Variants in LRP11 observed in about 807,000 individuals in gnomAD.
LRP11 encodes the protein LDL receptor related protein 11.
A neutral mutation model predicts 43.1 loss-of-function variants in LRP11; 25 were observed. The ratio of observed to expected loss-of-function variants is 0.58; its 90% CI spans 0.42 to 0.81. LRP11 has a LOEUF of 0.81. Among genes scored for constraint, LRP11 ranks in the 30% least tolerant of loss-of-function variants. LRP11 has a pLI of 0.00. For synonymous variants in LRP11, 316 were observed against 299.4 expected (o/e 1.06, Z -0.57); for missense variants, 623 against 665.1 (o/e 0.94, Z 0.70).
At chr6:149,862,761 G>C (rs1776939029) in intron 1 of LRP11, among the ~76,000 whole-genome samples, 1 of 151,794 alleles carries the variant, frequency 6.6e-6, no homozygotes, top group Non-Finnish European at 1.5e-5. Flanking sequence ...TGTATTTTTA[G>C]TAGAGATGGG....
chr6:149,832,180 A>T (rs974262195), intron 5 of LRP11, among the ~76,000 whole-genome samples: 3 of 148,804 alleles, frequency 2.0e-5, no homozygotes, highest in African/African-American at 7.5e-5. Context: ...CAAGTCTTCC[A>T]TGAGCTAAGT....
Position 149,864,057 on chromosome 6 carries a change from C to A in LRP11, c.-37G>T. ...CCAAGGGCAGCGAGCCGAGGCGGGG[C>A]TGAGCGCGGGAGGAAGGCGGGGACG... On this transcript the variant is annotated 5_prime_UTR_variant, in exon 1 of 7. Coordinates refer to ENST00000239367, the MANE Select transcript of LRP11 (RefSeq NM_032832.6). 7.8e-7 allele frequency: 1 copy of A among 1,279,620 alleles called. No homozygotes were observed. The highest frequency in any genetic ancestry group is 9.8e-7 in the Non-Finnish European group (1 of 1,017,148). The allele number at this position is 1,279,620 out of a possible 1,614,324, so 79.3% of individuals were successfully genotyped here.
At chr6:149,852,842 A>C in intron 2 of LRP11, 161 bp downstream of exon 2, 1 of 515,158 alleles carries the variant, frequency 1.9e-6, no homozygotes, top group Non-Finnish European at 3.2e-6. Context: ...AGAAAAGCAC[A>C]TTGAGATAAT....
At position 149,818,805 on chromosome 6, in the gene LRP11, A is replaced by AAAT. The variant is rs1776242719; in HGVS notation, c.*1741_*1743dup. ...AAAAGGAAAAAAAGGCTTAATAATA[A>AAAT]AATACAATTTATTAAAGGAATCATG... is the stretch of plus-strand genomic sequence containing the variant. On this transcript the variant is annotated 3_prime_UTR_variant, in exon 7 of 7. Transcript: ENST00000239367. The AAAT allele has an allele frequency of 6.6e-6, 1 of 152,342 alleles. No homozygotes were observed. The highest frequency in any genetic ancestry group is 1.5e-5 in the Non-Finnish European group (1 of 68,046). 9.4% of individuals were successfully genotyped at this position (152,342 alleles called of 1,614,324 possible). A position where few individuals can be genotyped will look rare whatever the true frequency, so the allele number is the denominator to read the frequency against.
At chr6:149,848,440 T>G (rs1042665741) in intron 2 of LRP11, among the ~76,000 whole-genome samples, 1 of 152,198 alleles carries the variant, frequency 6.6e-6, no homozygotes, top group African/African-American at 2.4e-5. Context: ...ATACGTTCAC[T>G]GCAGCGCTAT....
intron 2 of LRP11, 97 bp from the exon 3 acceptor site, chr6:149,843,221 C>T (rs2115393543): frequency 7.2e-7 from 1 of 1,397,434 alleles, no homozygotes; most frequent in Non-Finnish European, 1.0e-6. Context: ...AGAGCAGCCC[C>T]AGGACCTGCC....
intron 5 of LRP11, among the ~76,000 whole-genome samples, chr6:149,831,027 T>C (rs956147402): frequency 2.0e-5 from 3 of 152,228 alleles, no homozygotes; most frequent in Admixed American, 6.5e-5. Flanking sequence ...AATCACAGGC[T>C]CTAGCCAGTG....
chr6:149,829,652 C>T (rs1253966137), intron 5 of LRP11, among the ~76,000 whole-genome samples: 3 of 151,906 alleles, frequency 2.0e-5, no homozygotes, highest in South Asian at 2.1e-4. Context: ...CACCAACTCC[C>T]GATTTTTTTC....
chr6:149,851,859 T>C (rs1290188176), intron 2 of LRP11, among the ~76,000 whole-genome samples: 1 of 152,204 alleles, frequency 6.6e-6, no homozygotes. Context: ...AATTGACTCA[T>C]AGTTCCACAT....
At chr6:149,844,125 C>G (rs551598524) in intron 2 of LRP11, among the ~76,000 whole-genome samples, 1 of 151,792 alleles carries the variant, frequency 6.6e-6, no homozygotes, top group Non-Finnish European at 1.5e-5. Flanking sequence ...TGGTGGCGTG[C>G]GCCTGTAGTC....
chr6:149,845,720 C>T (rs756271395), intron 2 of LRP11, among the ~76,000 whole-genome samples: 10 of 151,680 alleles, frequency 6.6e-5, no homozygotes, highest in Admixed American at 1.3e-4. Context: ...AGGACAAGAC[C>T]AGATAATGTC....
chr6:149,840,123 A>AC (rs1162305114), intron 3 of LRP11, among the ~76,000 whole-genome samples: 1 of 152,180 alleles, frequency 6.6e-6, no homozygotes. Flanking sequence ...TAAGCAGGGT[A>AC]CCTGCTCATC....
chr6:149,852,703 C>T (rs1369995902), intron 2 of LRP11: 1 of 276,490 alleles, frequency 3.6e-6, no homozygotes, highest in Non-Finnish European at 6.7e-6. Flanking sequence ...AAAAAGTAAT[C>T]TGAGTCATTA....
chr6:149,851,254 C>T (rs183588784), intron 2 of LRP11, among the ~76,000 whole-genome samples: 2 of 152,162 alleles, frequency 1.3e-5, no homozygotes, highest in East Asian at 1.9e-4. Context: ...GTTCATGTAA[C>T]GAAGCTCATT....
intron 5 of LRP11, among the ~76,000 whole-genome samples, chr6:149,828,317 A>C (rs1397044706): frequency 6.6e-6 from 1 of 151,862 alleles, no homozygotes; most frequent in Admixed American, 6.5e-5. Flanking sequence ...CAGCTTTTTT[A>C]TTTTATTATA....
At chr6:149,841,928 AT>A (rs1776554577) in intron 3 of LRP11, among the ~76,000 whole-genome samples, 1 of 152,162 alleles carries the variant, frequency 6.6e-6, no homozygotes, top group South Asian at 2.1e-4. Context: ...CAAAAAAAAA[AT>A]GTAGATGTTT....
chr6:149,856,599 T>A (rs1256258065), intron 1 of LRP11, among the ~76,000 whole-genome samples: 3 of 152,180 alleles, frequency 2.0e-5, no homozygotes, highest in African/African-American at 7.2e-5. Context: ...GTCAAAAAAA[T>A]GTAATAAACC....
chr6:149,840,766 G>C (rs552722267), intron 3 of LRP11, among the ~76,000 whole-genome samples: 1 of 152,066 alleles, frequency 6.6e-6, no homozygotes, highest in Non-Finnish European at 1.5e-5. Flanking sequence ...TCTAGAGGGC[G>C]CCCAGATCTA....
intron 1 of LRP11, among the ~76,000 whole-genome samples, chr6:149,856,379 T>C (rs1184943497): frequency 6.6e-6 from 1 of 152,194 alleles, no homozygotes; most frequent in African/African-American, 2.4e-5. Context: ...TGATCACTGA[T>C]GTGTCTGAAA....
Sources: allele counts gnomAD v4.1 joint callset (sites outside exome capture counted in the v4.1 genomes callset), GRCh38; gene constraint gnomAD v4.1.1; transcripts MANE v1.5; gene names NCBI Gene and HGNC (gene_info 2026-07-23, HGNC 2026-07-21).